Variants in PCDH15 observed in about 807,000 individuals in gnomAD.
PCDH15 encodes the protein protocadherin-15.
PCDH15 carries 129 observed loss-of-function variants against 178.5 expected under a neutral mutation model. The observed-to-expected ratio is 0.72, with a 90% CI of 0.63 to 0.84. The LOEUF (loss-of-function observed/expected upper bound fraction) is 0.84. PCDH15 is among the 40% of genes least tolerant of loss of function. The pLI is 0.00. For synonymous variants in PCDH15, 800 were observed against 732.0 expected, an observed-to-expected ratio of 1.09 and a Z score of -1.50; for missense variants, 2,230 against 2,099.9, an observed-to-expected ratio of 1.06 and a Z score of -1.21.
chr10:54,121,074 AG>A (rs59170618), intron 15 of PCDH15, among the ~76,000 whole-genome samples: 46,396 of 147,154 alleles, frequency 0.32, 8,045 homozygotes, highest in Non-Finnish European at 0.42. Flanking sequence ...AAAAAAAAAA[AG>A]AAATCACAGC....
chr10:54,511,521 AT>A (rs2081656404), intron 3 of PCDH15, among the ~76,000 whole-genome samples: 3 of 152,234 alleles, frequency 2.0e-5, no homozygotes, highest in Admixed American at 2.0e-4. Context: ...GAAAATCTTG[AT>A]TCATATTGAT....
At chr10:55,361,594 A>T (rs1310118838) in intron 2 of PCDH15, among the ~76,000 whole-genome samples, 1 of 152,058 alleles carries the variant, frequency 6.6e-6, no homozygotes, top group African/African-American at 2.4e-5. Flanking sequence ...ATAGTTGCTA[A>T]TCATAGAAAA....
At chr10:53,969,658 T>G (rs2089458506) in intron 21 of PCDH15, among the ~76,000 whole-genome samples, 1 of 152,184 alleles carries the variant, frequency 6.6e-6, no homozygotes, top group African/African-American at 2.4e-5. Context: ...AAAGTGGATC[T>G]CTAAGCAAAA....
intron 20 of PCDH15, among the ~76,000 whole-genome samples, chr10:54,018,577 T>C (rs1253892712): frequency 1.3e-5 from 2 of 152,152 alleles, no homozygotes; most frequent in Non-Finnish European, 2.9e-5. Context: ...TAGAGTTATC[T>C]GCATGATCTC....
intron 2 of PCDH15, among the ~76,000 whole-genome samples, chr10:55,473,192 G>C (rs1441795580): frequency 9.9e-5 from 15 of 152,150 alleles, no homozygotes; most frequent in Admixed American, 9.2e-4. Flanking sequence ...ATTCAGGTTT[G>C]TGGAATTGTT....
chr10:54,384,164 A>G (rs61855478), intron 3 of PCDH15, among the ~76,000 whole-genome samples: 70,147 of 151,660 alleles, frequency 0.46, 18,137 homozygotes, highest in Non-Finnish European at 0.59. Context: ...TATGTGAAAG[A>G]TTGATTTGAA....
intron 28 of PCDH15, among the ~76,000 whole-genome samples, chr10:53,854,670 C>T (rs1286806751): frequency 2.0e-5 from 3 of 152,010 alleles, no homozygotes; most frequent in African/African-American, 7.2e-5. Flanking sequence ...AAACTCCTAG[C>T]CACTCTCCAC....
chr10:54,400,680 A>G (rs920010662), intron 3 of PCDH15, among the ~76,000 whole-genome samples: 2 of 152,106 alleles, frequency 1.3e-5, no homozygotes, highest in African/African-American at 2.4e-5. Flanking sequence ...GCACAGTGAC[A>G]GTTAATCGAA....
intron 1 of PCDH15, among the ~76,000 whole-genome samples, chr10:55,307,401 G>C (rs924822074): frequency 2.6e-5 from 4 of 151,704 alleles, no homozygotes. Context: ...TACTCGGGAG[G>C]CTGAGGCAGG....
chr10:55,485,504 A>C (rs1422818471), intron 2 of PCDH15, among the ~76,000 whole-genome samples: 1 of 151,756 alleles, frequency 6.6e-6, no homozygotes, highest in Admixed American at 6.6e-5. Context: ...AGACAAAAAA[A>C]TAACAAATAT....
intron 1 of PCDH15, among the ~76,000 whole-genome samples, chr10:55,233,522 A>G (rs1166767925): frequency 6.6e-6 from 1 of 152,132 alleles, no homozygotes; most frequent in Non-Finnish European, 1.5e-5. Context: ...GACATGTGTC[A>G]TAAGGATAAG....
intron 2 of PCDH15, among the ~76,000 whole-genome samples, chr10:55,161,533 C>G (rs1326456482): frequency 6.6e-6 from 1 of 152,022 alleles, no homozygotes; most frequent in African/African-American, 2.4e-5. Flanking sequence ...CAGAGAGACC[C>G]ATACAGCCTG....
intron 3 of PCDH15, among the ~76,000 whole-genome samples, chr10:54,490,513 AT>A (rs957882465): frequency 6.6e-6 from 1 of 151,758 alleles, no homozygotes; most frequent in South Asian, 2.1e-4. Context: ...AAAATAAATA[AT>A]TTTTTAATAA....
chr10:53,858,662 T>A (rs1449054105), intron 27 of PCDH15, among the ~76,000 whole-genome samples: 1 of 152,176 alleles, frequency 6.6e-6, no homozygotes, highest in Non-Finnish European at 1.5e-5. Context: ...TTATTACTTC[T>A]GAGCAAGCAG....
intron 2 of PCDH15, among the ~76,000 whole-genome samples, chr10:55,004,867 A>G (rs894807527): frequency 4.6e-5 from 7 of 152,140 alleles, no homozygotes; most frequent in African/African-American, 1.7e-4. Flanking sequence ...ATAACTTTGA[A>G]ATATGGGGAT....
intron 17 of PCDH15, among the ~76,000 whole-genome samples, chr10:54,074,625 C>A (rs2094306582): frequency 6.6e-6 from 1 of 152,128 alleles, no homozygotes. Flanking sequence ...GCTTTTACAT[C>A]TTAGCTATTG....
At chr10:53,819,183 T>C (rs2076167901) in intron 33 of PCDH15, among the ~76,000 whole-genome samples, 1 of 152,046 alleles carries the variant, frequency 6.6e-6, no homozygotes, top group Non-Finnish European at 1.5e-5. Context: ...GGAAAGCTCA[T>C]ATTTAGGTTT....
intron 3 of PCDH15, among the ~76,000 whole-genome samples, chr10:54,819,685 A>G (rs1033459920): frequency 2.6e-5 from 4 of 152,052 alleles, no homozygotes; most frequent in African/African-American, 9.7e-5. Flanking sequence ...AGACTATCTC[A>G]GCCTATACAT....
intron 2 of PCDH15, among the ~76,000 whole-genome samples, chr10:55,364,676 T>C (rs1845310107): frequency 6.6e-6 from 1 of 152,080 alleles, no homozygotes; most frequent in Admixed American, 6.6e-5. Flanking sequence ...ATAATATTTA[T>C]CCTTCTTTTC....
Sources: allele counts gnomAD v4.1 joint callset (sites outside exome capture counted in the v4.1 genomes callset), GRCh38; gene constraint gnomAD v4.1.1; transcripts MANE v1.5; gene names NCBI Gene and HGNC (gene_info 2026-07-23, HGNC 2026-07-21).